The following UNC13C variants were observed in gnomAD, a reference collection of about 807,000 sequenced individuals.
UNC13C encodes the protein protein unc-13 homolog C.
Under a neutral mutation model 245.4 loss-of-function variants are expected in UNC13C, and 174 were observed. The ratio of observed to expected loss-of-function variants is 0.71; its 90% CI spans 0.63 to 0.80. UNC13C has a LOEUF of 0.80. UNC13C is among the 30% of genes least tolerant of loss of function. The pLI is 0.00. For synonymous variants in UNC13C, 992 were observed against 895.1 expected, an observed-to-expected ratio of 1.11 and a Z score of -1.93; for missense variants, 2,829 against 2,602.9, an observed-to-expected ratio of 1.09 and a Z score of -1.89.
chr15:53,855,323 A>C, the UNC13C span, among the ~76,000 whole-genome samples: 1 of 152,096 alleles, frequency 6.6e-6, no homozygotes, highest in African/African-American at 2.4e-5. Flanking sequence ...CAGAGCTTCT[A>C]ATACTATGTT....
upstream of UNC13C, among the ~76,000 whole-genome samples, chr15:53,973,266 A>G (rs1394953006): frequency 6.6e-6 from 1 of 152,138 alleles, no homozygotes; most frequent in Non-Finnish European, 1.5e-5. Flanking sequence ...GTAGAAAATG[A>G]CAATATTTGG....
chr15:54,576,591 A>G (rs77424786), intron 30 of UNC13C, among the ~76,000 whole-genome samples: 8,536 of 152,236 alleles, frequency 0.056, 339 homozygotes, highest in Non-Finnish European at 0.084. Flanking sequence ...GACGTTGTAG[A>G]AATCCAAGCT....
chr15:53,902,250 C>A, the UNC13C span, among the ~76,000 whole-genome samples: 1 of 152,124 alleles, frequency 6.6e-6, no homozygotes, highest in African/African-American at 2.4e-5. Flanking sequence ...CCTCTATGAT[C>A]CTTTAATACT....
At chr15:54,549,974 G>T (rs543156412) in intron 28 of UNC13C, among the ~76,000 whole-genome samples, 2 of 152,254 alleles carry the variant, frequency 1.3e-5, no homozygotes, top group South Asian at 4.1e-4. Context: ...GTCTAGAGAA[G>T]TCTTCAAACC....
chr15:54,391,878 G>A (rs1404684453), intron 17 of UNC13C, among the ~76,000 whole-genome samples: 1 of 151,968 alleles, frequency 6.6e-6, no homozygotes, highest in African/African-American at 2.4e-5. Flanking sequence ...AACAAAATAT[G>A]GTTACATATC....
chr15:54,381,713 A>G (rs574499), intron 17 of UNC13C, among the ~76,000 whole-genome samples: 63,626 of 151,878 alleles, frequency 0.42, 13,954 homozygotes, highest in East Asian at 0.74. Context: ...GCTATTATAT[A>G]TATGCACCCA....
the UNC13C span, among the ~76,000 whole-genome samples, chr15:53,892,202 C>T: frequency 2.0e-5 from 3 of 152,160 alleles, no homozygotes; most frequent in African/African-American, 4.8e-5. Flanking sequence ...TGAGTATTGG[C>T]CCCCGCTCTC....
Position 54,627,087 on chromosome 15 carries a change from A to G in UNC13C, c.6619A>G (p.Thr2207Ala), listed in dbSNP as rs1172358186. ...AGAATTTGTAAGACTTAAATCTGAA[A>G]CAAGATCTACTGAAGAGAGTGCTTG... ...AKEFVRLKSE[T>A]RSTEESA Residue 2207 changes from threonine (T) to alanine (A), a missense_variant, in exon 33 of 33, where the codon ACA (threonine) becomes GCA (alanine). Transcript: ENST00000260323. 6.2e-7 allele frequency: 1 copy of G among 1,612,278 alleles called. No homozygotes were observed. Among genetic ancestry groups the G allele is most frequent in the Middle Eastern group, 1.6e-4 (1 of 6,076 alleles).
At chr15:53,979,994 A>G (rs533920060) in intron 1 of UNC13C, among the ~76,000 whole-genome samples, 2 of 152,282 alleles carry the variant, frequency 1.3e-5, no homozygotes, top group Non-Finnish European at 2.9e-5. Flanking sequence ...ATTTTTGTAT[A>G]TATAAAATAT....
chr15:54,297,534 T>A (rs2037468597), intron 11 of UNC13C, among the ~76,000 whole-genome samples: 1 of 149,926 alleles, frequency 6.7e-6, no homozygotes, highest in Non-Finnish European at 1.5e-5. Flanking sequence ...AAAAAAAAAA[T>A]GTAGAGACTA....
intron 2 of UNC13C, among the ~76,000 whole-genome samples, chr15:54,126,298 C>G (rs4776209): frequency 0.36 from 55,115 of 151,766 alleles, 11,329 homozygotes; most frequent in Non-Finnish European, 0.47. Flanking sequence ...ATAGGCCATA[C>G]AAACATTAAT....
At chr15:54,083,014 T>A (rs544347572) in intron 2 of UNC13C, among the ~76,000 whole-genome samples, 2 of 152,164 alleles carry the variant, frequency 1.3e-5, no homozygotes, top group South Asian at 4.2e-4. Context: ...CCGGAAGATT[T>A]TTAATTTGGT....
At position 54,336,258 on chromosome 15, in the gene UNC13C, G is replaced by A. The variant is rs139009759; in HGVS notation, c.4585-2103G>A. On this transcript the variant is annotated intron_variant, in intron 16 of 32. Transcript: ENST00000260323. ...GAATGGCTAAATCTAGCTAATTAAC[G>A]TATGCATTACCTCACAAAGTTATCA... Among the ~76,000 whole-genome samples, 64 of 151,988 alleles carry A rather than the reference G, an allele frequency of 4.2e-4. 1 individual carries two copies. The highest frequency in any genetic ancestry group is 1.4e-3 in the African/African-American group (60 of 41,500).
the UNC13C span, among the ~76,000 whole-genome samples, chr15:53,873,085 C>A: frequency 6.6e-6 from 1 of 152,058 alleles, no homozygotes; most frequent in East Asian, 1.9e-4. Context: ...CCTTTCTTCT[C>A]CTGGCTATAG....
intron 17 of UNC13C, among the ~76,000 whole-genome samples, chr15:54,360,078 C>T (rs2039195055): frequency 6.6e-6 from 1 of 151,922 alleles, no homozygotes; most frequent in African/African-American, 2.4e-5. Context: ...TGTTCAGGAG[C>T]ATGTTGTTTA....
intron 4 of UNC13C, among the ~76,000 whole-genome samples, chr15:54,149,701 T>C (rs1473777640): frequency 1.3e-5 from 2 of 152,232 alleles, no homozygotes; most frequent in African/African-American, 4.8e-5. Context: ...TTAATGACTC[T>C]TGTTTTTCTT....
chr15:54,405,995 G>C (rs761822412), intron 18 of UNC13C, among the ~76,000 whole-genome samples: 683 of 4,116 alleles, frequency 0.17, 2 homozygotes, highest in Non-Finnish European at 0.21. Flanking sequence ...AGAGAAGTGT[G>C]GGGGGGGAAA....
At chr15:53,951,614 G>A in the UNC13C span, among the ~76,000 whole-genome samples, 1 of 152,184 alleles carries the variant, frequency 6.6e-6, no homozygotes, top group African/African-American at 2.4e-5. Context: ...GGCTTTGAGA[G>A]GCTAAGCAAC....
intron 17 of UNC13C, among the ~76,000 whole-genome samples, chr15:54,375,133 G>A (rs897979676): frequency 4.6e-5 from 7 of 152,170 alleles, no homozygotes; most frequent in African/African-American, 1.7e-4. Flanking sequence ...TAGAATTACA[G>A]AAAGTTAGGA....
Sources: allele counts gnomAD v4.1 joint callset (sites outside exome capture counted in the v4.1 genomes callset), GRCh38; gene constraint gnomAD v4.1.1; transcripts MANE v1.5; gene names NCBI Gene and HGNC (gene_info 2026-07-23, HGNC 2026-07-21).